The following ZNF827 variants were observed in gnomAD, a reference collection of about 807,000 sequenced individuals.
ZNF827 encodes the protein zinc finger protein 827.
In ZNF827, 13 loss-of-function variants were observed where a neutral mutation model predicts 102.4. The observed-to-expected ratio is 0.13, with a 90% CI of 0.08 to 0.20. The LOEUF (loss-of-function observed/expected upper bound fraction) is 0.20. Ranked by LOEUF, ZNF827 falls within the 10% of genes least tolerant of loss-of-function variation. The pLI is 1.00. For missense variants in ZNF827, 1,103 were observed against 1,344.4 expected, an observed-to-expected ratio of 0.82 and a Z score of 2.81; for synonymous variants, 523 against 536.2, an observed-to-expected ratio of 0.98 and a Z score of 0.34.
chr4:145,918,006 ATTTGAAACACACAAG>A, intron 1 of ZNF827, among the ~76,000 whole-genome samples: 2 of 152,320 alleles, frequency 1.3e-5, no homozygotes, highest in Middle Eastern at 3.4e-3. Flanking sequence ...TAAAGAAGTT[ATTTGAAACACACAAG>A]TTTGAAAAGC....
At chr4:145,938,129 G>T (rs184124424) in intron 1 of ZNF827, among the ~76,000 whole-genome samples, 10 of 151,872 alleles carry the variant, frequency 6.6e-5, no homozygotes, top group Admixed American at 2.6e-4. Context: ...AAAAGGGGGG[G>T]GGTGAGAGAA....
chr4:145,826,776 T>A (rs1307151186), intron 7 of ZNF827, among the ~76,000 whole-genome samples: 1 of 151,998 alleles, frequency 6.6e-6, no homozygotes, highest in African/African-American at 2.4e-5. Context: ...GACAGAGTTT[T>A]GCTCTTGTTG....
At chr4:145,831,501 T>A (rs568691210) in intron 7 of ZNF827, 6 of 152,364 alleles carry the variant, frequency 3.9e-5, no homozygotes, top group Non-Finnish European at 8.8e-5. Context: ...GGGTTCTCAA[T>A]CACTCTACTA....
chr4:145,911,390 C>T (rs72956671), intron 1 of ZNF827, among the ~76,000 whole-genome samples: 1,635 of 152,222 alleles, frequency 0.011, 38 homozygotes, highest in African/African-American at 0.038. Flanking sequence ...AAACATGTAC[C>T]GTGTTTGTAG....
chr4:145,801,028 A>C (rs1560939276), intron 8 of ZNF827, among the ~76,000 whole-genome samples: 1 of 152,252 alleles, frequency 6.6e-6, no homozygotes, highest in Admixed American at 6.5e-5. Context: ...TAAATTAAGA[A>C]GTTCACTGAG....
chr4:145,792,608 C>T (rs538096825), intron 8 of ZNF827, among the ~76,000 whole-genome samples: 8 of 151,904 alleles, frequency 5.3e-5, no homozygotes, highest in East Asian at 1.9e-4. Context: ...AGCTAACTGC[C>T]GCCTCGAATT....
chr4:145,909,384 A>G (rs1322482922), intron 1 of ZNF827, among the ~76,000 whole-genome samples: 53 of 152,244 alleles, frequency 3.5e-4, no homozygotes, highest in Non-Finnish European at 5.9e-5. Flanking sequence ...AGCATCAGAT[A>G]GGATGTCGAA....
intron 1 of ZNF827, among the ~76,000 whole-genome samples, chr4:145,904,374 T>C (rs1415749602): frequency 6.6e-6 from 1 of 152,182 alleles, no homozygotes. Context: ...TAACATAGCA[T>C]GCCAGAGGGT....
At chr4:145,799,183 A>C (rs1740649952) in intron 8 of ZNF827, among the ~76,000 whole-genome samples, 1 of 152,226 alleles carries the variant, frequency 6.6e-6, no homozygotes, top group East Asian at 1.9e-4. Context: ...AGCAACAAAT[A>C]TTGAGATTTA....
At chr4:145,900,900 G>A (rs1263831313) in intron 2 of ZNF827, among the ~76,000 whole-genome samples, 1 of 152,008 alleles carries the variant, frequency 6.6e-6, no homozygotes, top group African/African-American at 2.4e-5. Context: ...AGGAGAAGTG[G>A]AACTTAGAAT....
At chr4:145,794,598 G>A (rs765062547) in intron 8 of ZNF827, among the ~76,000 whole-genome samples, 23 of 151,948 alleles carry the variant, frequency 1.5e-4, no homozygotes, top group Non-Finnish European at 2.6e-4. Flanking sequence ...GAGGCTGGGC[G>A]GGGTGGGGAT....
chr4:145,913,243 T>C (rs1447359384), intron 1 of ZNF827, among the ~76,000 whole-genome samples: 1 of 151,976 alleles, frequency 6.6e-6, no homozygotes, highest in Non-Finnish European at 1.5e-5. Context: ...CTGGGTAATA[T>C]GGTGAAACCG....
At chr4:145,927,205 A>G (rs1391041255) in intron 1 of ZNF827, among the ~76,000 whole-genome samples, 1 of 152,152 alleles carries the variant, frequency 6.6e-6, no homozygotes, top group Non-Finnish European at 1.5e-5. Flanking sequence ...AACGCCGCCT[A>G]ATTCTAGGCC....
At chr4:145,870,517 GC>G (rs1397135941) in intron 4 of ZNF827, 39 bp from the exon 5 acceptor site, 1 of 1,566,850 alleles carries the variant, frequency 6.4e-7, no homozygotes, top group East Asian at 2.2e-5. Flanking sequence ...TACATAAAAG[GC>G]CACTCCCCTC....
At chr4:145,892,167 C>A in intron 3 of ZNF827, 76 bp downstream of exon 3, 1 of 1,420,120 alleles carries the variant, frequency 7.0e-7, no homozygotes, top group South Asian at 1.7e-5. Context: ...GGCCAAGAAG[C>A]CTCCTGCACC....
rs547205201 is a variant in ZNF827 at position 145,765,979 on chromosome 4, A to C, written c.2861-241T>G. Among the ~76,000 whole-genome samples, 44 of 152,298 alleles carry C rather than the reference A, an allele frequency of 2.9e-4. No homozygotes were observed. Among genetic ancestry groups the C allele is most frequent in the Admixed American group, 5.9e-4 (9 of 15,306 alleles). On this transcript the variant is annotated intron_variant, in intron 11 of 14. Coordinates refer to ENST00000508784, the MANE Select transcript of ZNF827 (RefSeq NM_001306215.2). This position sits in a 1 kb window ranked among gnomAD's most constrained non-coding sequence, Gnocchi z 4.7. ...AAGTGTTTATTAAGGTCTTACATGA[A>C]TTAAAATAAAACGACAGTAATAGCT...
intron 3 of ZNF827, among the ~76,000 whole-genome samples, 197 bp from the exon 4 acceptor site, chr4:145,886,355 C>T (rs1750117529): frequency 6.6e-6 from 1 of 152,146 alleles, no homozygotes; most frequent in Admixed American, 6.5e-5. Context: ...GTTAAGAGTC[C>T]ATTATTAGGG....
At chr4:145,935,176 T>C (rs1169672529) in intron 1 of ZNF827, among the ~76,000 whole-genome samples, 2 of 152,244 alleles carry the variant, frequency 1.3e-5, no homozygotes, top group Non-Finnish European at 2.9e-5. Flanking sequence ...CCAGACTTCC[T>C]ATATTTTAAA....
chr4:145,829,061 G>C (rs1743945831), intron 7 of ZNF827, among the ~76,000 whole-genome samples: 1 of 152,140 alleles, frequency 6.6e-6, no homozygotes, highest in South Asian at 2.1e-4. Context: ...AAAGAAAACA[G>C]AAAAGAAGGT....
Sources: gnomAD v4.1 joint callset for allele counts (sites outside exome capture counted in the v4.1 genomes callset) on GRCh38, gnomAD v4.1.1 for gene constraint, Gnocchi (gnomAD v3.1) non-coding constraint, MANE v1.5 for transcripts, NCBI Gene and HGNC (gene_info 2026-07-23, HGNC 2026-07-21) for gene names.